The following TPCN1 variants were observed in gnomAD, a reference collection of about 807,000 sequenced individuals.
The protein encoded by TPCN1 is two pore channel protein 1.
In TPCN1, 52 loss-of-function variants were observed where a neutral mutation model predicts 108.8. The observed-to-expected ratio is 0.48, with a 90% CI of 0.38 to 0.60. The LOEUF is 0.60. Among genes scored for constraint, TPCN1 ranks in the 20% least tolerant of loss-of-function variants. The pLI is 0.00. For synonymous variants in TPCN1, 446 were observed against 433.7 expected (o/e 1.03, Z -0.35); for missense variants, 806 against 1,072.8 (o/e 0.75, Z 3.47).
chr12:113,266,236 G>A lies in TPCN1; in HGVS notation c.294G>A (p.Ala98=), dbSNP rs201708947. 6.2e-6 allele frequency: 10 copies of A among 1,614,104 alleles called. No individual in the cohort carries two copies. The highest frequency in any genetic ancestry group is 2.2e-5 in the East Asian group (1 of 44,862). The change falls in exon 4 of 28, where the codon GCG becomes GCA. Residue 98 remains alanine (A), a synonymous_variant. Transcript: ENST00000335509. The surrounding 1 kb of genome is among the most constrained non-coding windows in gnomAD (Gnocchi z 4.2). Reference sequence around the variant, plus strand: ...ACCCCAAGGATGCCAAGGCGCTGGCGGCCTACCTCTTTGCACACAATCACC... The same window carrying A: ...ACCCCAAGGATGCCAAGGCGCTGGCAGCCTACCTCTTTGCACACAATCACC... ...FTHPKDAKAL[A]AYLFAHNHLF...
chr12:113,264,404 C>G (rs978377697), intron 3 of TPCN1, among the ~76,000 whole-genome samples: 2 of 152,150 alleles, frequency 1.3e-5, no homozygotes, highest in Non-Finnish European at 2.9e-5. Flanking sequence ...ATGGGCCGAG[C>G]ATGGTGGCTC....
intron 18 of TPCN1, 37 bp from the exon 19 acceptor site, chr12:113,286,950 G>A (rs1418611991): frequency 2.0e-6 from 3 of 1,537,360 alleles, no homozygotes; most frequent in Non-Finnish European, 2.7e-6. Flanking sequence ...GTAGGCTCAG[G>A]GCCACAGGGT....
intron 2 of TPCN1, chr12:113,244,854 T>G (rs2136493141): frequency 7.7e-6 from 6 of 779,760 alleles, no homozygotes; most frequent in Non-Finnish European, 7.8e-6. Context: ...CTGTGGGGAG[T>G]GGAGGAGGCA....
rs76488979 is a variant in TPCN1, at chr12:113,267,596, C to T, written c.415-247C>T. ...TTTTCTTACTTTTAAACTTCAGGCT[C>T]CTTCCTGATTTTTCATCATTTGGGC... On this transcript the variant is annotated intron_variant, in intron 4 of 27. Coordinates refer to ENST00000335509, the MANE Select transcript of TPCN1 (RefSeq NM_017901.6). Among the ~76,000 whole-genome samples, 1,044 of 152,184 alleles carry T rather than the reference C, an allele frequency of 6.9e-3. 47 individuals carry two copies. In the East Asian group the frequency reaches 0.14, roughly 20 times the overall value.
At chr12:113,278,929 GGTGT>G (rs144760721) in intron 14 of TPCN1, 94 bp downstream of exon 14, 190 of 1,075,244 alleles carry the variant, frequency 1.8e-4, no homozygotes, top group Middle Eastern at 2.0e-4. Context: ...GGTTCAGAGG[GGTGT>G]GTGTGTGTGT....
intron 7 of TPCN1, among the ~76,000 whole-genome samples, chr12:113,271,109 A>T (rs185667865): frequency 6.6e-6 from 1 of 152,154 alleles, no homozygotes; most frequent in East Asian, 1.9e-4. Context: ...ACACAAAAAA[A>T]ATATACAGGA....
At position 113,277,033 on chromosome 12, in the gene TPCN1, A is replaced by AG. The variant is rs1955698620; in HGVS notation, c.1059+1dup. The stretch of plus-strand genomic sequence containing the variant: ...TGCCTACCGCCTGCTCATCAGCCAG[A>AG]GGGTAGGAACTATGGGCCAGGGAGG... On this transcript the variant is annotated frameshift_variant and splice_region_variant, in exon 11 of 28. Transcript: ENST00000335509. LOFTEE classifies it high-confidence loss of function. 6.2e-7 allele frequency: 1 copy of AG among 1,613,056 alleles called. No individual in the cohort carries two copies. The highest frequency in any genetic ancestry group is 1.7e-5 in the Admixed American group (1 of 60,008).
chr12:113,288,654 G>A lies in TPCN1; in HGVS notation c.1707-104G>A. 2 of 1,560,388 alleles carry A rather than the reference G, an allele frequency of 1.3e-6. No homozygotes were observed. Among genetic ancestry groups the A allele is most frequent in the Non-Finnish European group, 8.6e-7 (1 of 1,157,352 alleles). ...CTTTCCAGTTGGTGAACCGACCAGG[G>A]GCATGGCCCTGCAGTCAGCCCCACG... is the stretch of plus-strand genomic sequence containing the variant. On this transcript the variant is annotated intron_variant, in intron 20 of 27. Coordinates refer to ENST00000335509, the MANE Select transcript of TPCN1 (RefSeq NM_017901.6). The surrounding 1 kb of genome is among the most constrained non-coding windows in gnomAD (Gnocchi z 4.8).
At chr12:113,242,029 G>T (rs983754605) in intron 2 of TPCN1, among the ~76,000 whole-genome samples, 2 of 152,152 alleles carry the variant, frequency 1.3e-5, no homozygotes, top group African/African-American at 4.8e-5. Flanking sequence ...GCCTCACCAA[G>T]AAATTACCCG....
intron 2 of TPCN1, among the ~76,000 whole-genome samples, chr12:113,227,915 G>A (rs1310437218): frequency 6.6e-6 from 1 of 152,142 alleles, no homozygotes; most frequent in Non-Finnish European, 1.5e-5. Flanking sequence ...AGTGTGGTGG[G>A]GAGCCCTGGC....
chr12:113,261,040 A>C (rs952905882), intron 3 of TPCN1, among the ~76,000 whole-genome samples: 2 of 152,104 alleles, frequency 1.3e-5, no homozygotes, highest in African/African-American at 4.8e-5. Context: ...TAAAAATACA[A>C]AAAATTAGCT....
At chr12:113,228,097 T>C (rs1953540164) in intron 2 of TPCN1, among the ~76,000 whole-genome samples, 1 of 152,214 alleles carries the variant, frequency 6.6e-6, no homozygotes. Context: ...CTGAAATCCC[T>C]TTGCAAGGCT....
At chr12:113,290,505 G>A (rs1005195633) in intron 22 of TPCN1, among the ~76,000 whole-genome samples, 2 of 152,132 alleles carry the variant, frequency 1.3e-5, no homozygotes, top group African/African-American at 4.8e-5. Flanking sequence ...GCCTTAGCTG[G>A]GCGGGGTCCC....
At chr12:113,245,469 C>T (rs1168869140) in intron 2 of TPCN1, among the ~76,000 whole-genome samples, 8 of 142,880 alleles carry the variant, frequency 5.6e-5, no homozygotes, top group Admixed American at 2.8e-4. Context: ...GGCGTGGTAG[C>T]GGGCGCCTGT....
intron 27 of TPCN1, among the ~76,000 whole-genome samples, chr12:113,293,736 T>A (rs2136780919): frequency 6.6e-6 from 1 of 152,260 alleles, no homozygotes; most frequent in African/African-American, 2.4e-5. Context: ...AAGGAGACAG[T>A]CTCCTCCCAG....
rs187559749 is a variant in TPCN1 at position 113,284,519 on chromosome 12, G to A, written c.1343-62G>A. Reference sequence around the variant, plus strand: ...GAAGTTAACCAGGGACTTCAGCTGCGACCTGCAGATTTCTAAGCCCCCCTG... The same window carrying A: ...GAAGTTAACCAGGGACTTCAGCTGCAACCTGCAGATTTCTAAGCCCCCCTG... On this transcript the variant is annotated intron_variant, in intron 15 of 27. Coordinates refer to ENST00000335509, the MANE Select transcript of TPCN1 (RefSeq NM_017901.6). This position sits in a 1 kb window ranked among gnomAD's most constrained non-coding sequence, Gnocchi z 4.1. The A allele has an allele frequency of 6.5e-5, 104 of 1,594,190 alleles. No individual in the cohort carries two copies. In the East Asian group the frequency reaches 1.0e-3, roughly 16 times the overall value.
At position 113,268,959 on chromosome 12, in the gene TPCN1, A is replaced by AGTGATGAG; in HGVS notation, c.659+90_659+97dup. On this transcript the variant is annotated intron_variant, in intron 6 of 27. Transcript: ENST00000335509. The surrounding 1 kb of genome is among the most constrained non-coding windows in gnomAD (Gnocchi z 7.3). ...TGGGGCAGGAGCTTGTGAGTCAGTT[A>AGTGATGAG]GTGATGAGGTCGACCCTGCATGCTG... The AGTGATGAG allele has an allele frequency of 6.6e-7, 1 of 1,509,168 alleles. No individual in the cohort carries two copies. Among genetic ancestry groups the AGTGATGAG allele is most frequent in the Non-Finnish European group, 9.1e-7 (1 of 1,095,730 alleles). 93.5% of individuals were successfully genotyped at this position (1,509,168 alleles called of 1,614,324 possible).
chr12:113,241,761 CGTGTGTGTGTGTGT>C (rs67580212), intron 2 of TPCN1, among the ~76,000 whole-genome samples: 6 of 144,376 alleles, frequency 4.2e-5, no homozygotes, highest in East Asian at 4.1e-4. Context: ...CGTGCCTCTG[CGTGTGTGTGTGTGT>C]GTGTGTGTGT....
Position 113,288,184 on chromosome 12 carries a change from C to T in TPCN1, c.1656C>T (p.Arg552=), listed in dbSNP as rs1956147476. 2.5e-6 allele frequency: 4 copies of T among 1,613,844 alleles called. No individual in the cohort carries two copies. Among genetic ancestry groups the T allele is most frequent in the East Asian group, 2.2e-5 (1 of 44,878 alleles). The part of the protein sequence containing the change: ...QLLRLFKLKE[R]YRNVLDTMFE... ...TCAGGTTGTTTAAGTTGAAGGAGCG[C>T]TACCGCAACGTGCTGGACACCATGT... Residue 552 remains arginine, a synonymous_variant, in exon 20 of 28, where the codon CGC becomes CGT. Transcript: ENST00000335509. The surrounding 1 kb of genome is among the most constrained non-coding windows in gnomAD (Gnocchi z 4.8).
Sources: gnomAD v4.1 joint callset for allele counts (sites outside exome capture counted in the v4.1 genomes callset) on GRCh38, gnomAD v4.1.1 for gene constraint, Gnocchi (gnomAD v3.1) non-coding constraint, MANE v1.5 for transcripts, NCBI Gene and HGNC (gene_info 2026-07-23, HGNC 2026-07-21) for gene names.